Variants in BDP1 observed in about 807,000 individuals in gnomAD.
BDP1 encodes the protein transcription factor TFIIIB component B'' homolog.
A neutral mutation model predicts 266.6 loss-of-function variants in BDP1; 169 were observed. The observed-to-expected ratio is 0.63, with a 90% CI of 0.56 to 0.72. The LOEUF (loss-of-function observed/expected upper bound fraction) is 0.72. Ranked by LOEUF, BDP1 falls within the 30% of genes least tolerant of loss-of-function variation. BDP1 has a pLI of 0.00. For synonymous variants in BDP1, 1,090 were observed against 1,022.4 expected (o/e 1.07, Z -1.26); for missense variants, 3,015 against 3,053.8 (o/e 0.99, Z 0.30).
At chr5:71,469,286 A>G (rs997825248) in intron 6 of BDP1, among the ~76,000 whole-genome samples, 9 of 151,130 alleles carry the variant, frequency 6.0e-5, no homozygotes, top group Non-Finnish European at 4.4e-5. Flanking sequence ...TTACAGGCAT[A>G]TGTCACCATG....
intron 13 of BDP1, 106 bp from the exon 14 acceptor site, chr5:71,501,456 G>C (rs995684419): frequency 1.4e-6 from 1 of 725,522 alleles, no homozygotes; most frequent in African/African-American, 1.8e-5. Flanking sequence ...TTACAGGCTT[G>C]AGCCACCGTG....
chr5:71,563,155 T>G (rs1743800002), intron 38 of BDP1, among the ~76,000 whole-genome samples: 1 of 152,172 alleles, frequency 6.6e-6, no homozygotes, highest in African/African-American at 2.4e-5. Flanking sequence ...TTTTGTGTGT[T>G]TGTTTTGAGA....
At chr5:71,560,419 A>G (rs1342418081) in intron 37 of BDP1, among the ~76,000 whole-genome samples, 182 bp downstream of exon 37, 2 of 152,258 alleles carry the variant, frequency 1.3e-5, no homozygotes, top group Non-Finnish European at 2.9e-5. Flanking sequence ...CATTCTGTAC[A>G]ATAAGAGCTT....
chr5:71,506,804 C>CAG (rs1232029387), intron 16 of BDP1, among the ~76,000 whole-genome samples: 1 of 137,750 alleles, frequency 7.3e-6, no homozygotes, highest in Non-Finnish European at 1.6e-5. Flanking sequence ...CACACACACA[C>CAG]ACACACACAC....
intron 12 of BDP1, among the ~76,000 whole-genome samples, 198 bp downstream of exon 12, chr5:71,495,606 A>G (rs971654652): frequency 2.0e-5 from 3 of 152,174 alleles, no homozygotes; most frequent in African/African-American, 7.2e-5. Context: ...ATTTCTTTGC[A>G]GAAAGATTCT....
chr5:71,467,262 T>C (rs1248362682), intron 5 of BDP1, 92 bp from the exon 6 acceptor site: 1 of 1,100,924 alleles, frequency 9.1e-7, no homozygotes, highest in Non-Finnish European at 1.3e-6. Flanking sequence ...ATGATTGCCA[T>C]GCTAAACCTC....
chr5:71,509,584 A>AAG lies in BDP1; in HGVS notation c.2495_2496dup (p.Val833ArgfsTer3). ...GGAAGGAGAGAAATTTCCTCAAAGG[A>AAG]AGAGGTACTAGAGAAGATTCTTGTC... On this transcript the variant is annotated frameshift_variant, in exon 17 of 39. Transcript: ENST00000358731. LOFTEE classifies it high-confidence loss of function. The AAG allele has an allele frequency of 6.2e-7, 1 of 1,613,916 alleles. No individual in the cohort carries two copies. The highest frequency in any genetic ancestry group is 8.5e-7 in the Non-Finnish European group (1 of 1,179,982).
In BDP1 at chr5:71,510,413, G is replaced by A; in HGVS notation, c.3321G>A (p.Glu1107=). 1 of 1,614,020 alleles carries A rather than the reference G, an allele frequency of 6.2e-7. No individual in the cohort carries two copies. The highest frequency in any genetic ancestry group is 8.5e-7 in the Non-Finnish European group (1 of 1,179,986). Residue 1107 remains glutamate (E), a synonymous_variant, in exon 17 of 39, where the codon GAG becomes GAA. Transcript: ENST00000358731. ...CCCCACAGGAAAATGGCCTAGAGGA[G>A]GTTAAGCCTCTAGGTGAAATGCAAA... is the stretch of plus-strand genomic sequence containing the variant. ...EISPQENGLE[E]VKPLGEMQTD... is the part of the protein sequence containing the mutation.
intron 2 of BDP1, among the ~76,000 whole-genome samples, chr5:71,460,616 C>T (rs557376640): frequency 6.6e-6 from 1 of 151,992 alleles, no homozygotes; most frequent in East Asian, 1.9e-4. Flanking sequence ...AAAATGTAAG[C>T]CTCACAACAA....
intron 10 of BDP1, among the ~76,000 whole-genome samples, chr5:71,490,528 T>C (rs970871597): frequency 6.6e-6 from 1 of 152,130 alleles, no homozygotes; most frequent in African/African-American, 2.4e-5. Context: ...ACTCAGGGGG[T>C]TCTCTATGAG....
chr5:71,552,008 C>CT (rs1742819095), intron 34 of BDP1, among the ~76,000 whole-genome samples: 1 of 150,970 alleles, frequency 6.6e-6, no homozygotes, highest in East Asian at 2.0e-4. Flanking sequence ...GGCTGACCCC[C>CT]ACCTCCCTCC....
rs1221990675 is a variant in BDP1 at position 71,562,397 on chromosome 5, G to A, written c.7620G>A (p.Lys2540=). 6.2e-7 allele frequency: 1 copy of A among 1,613,822 alleles called. No individual in the cohort carries two copies. The highest frequency in any genetic ancestry group is 8.5e-7 in the Non-Finnish European group (1 of 1,179,922). ...AACCTCTTATACCTGGATTAAGAAA[G>A]AAATTGAAAAGATCTAATCCATTCA... ...RLKPLIPGLR[K]KLKRSNPFNE... is the part of the protein sequence containing the mutation. The change falls in exon 38 of 39, where the codon AAG becomes AAA. Residue 2540 remains lysine (K), a synonymous_variant. Transcript: ENST00000358731.
chr5:71,515,109 G>T lies in BDP1; in HGVS notation c.4636G>T (p.Val1546Phe), dbSNP rs34719355. Residue 1546 changes from valine to phenylalanine, a missense_variant, in exon 20 of 39, where the codon GTT becomes TTT. By Grantham distance (50) the Val-to-Phe change is conservative. This residue lies in a region of BDP1 where 2,383 missense variants were observed against 2,404.9 expected (regional missense o/e 0.99). Coordinates refer to ENST00000358731, the MANE Select transcript of BDP1 (RefSeq NM_018429.3). ...AGCACCAGTCCAGAAAAATGACTCA[G>T]TTGTTTCTGTGGGGTAAACAGTGAT... Reference protein sequence around the residue: ...QSAPVQKNDSVVSVGTNNVNT... With the variant: ...QSAPVQKNDSFVSVGTNNVNT... The T allele has an allele frequency of 1.0e-3, 1,658 of 1,595,112 alleles. 22 individuals carry two copies. In the African/African-American group the frequency reaches 0.02, roughly 19 times the overall value.
rs368055947 is a variant in BDP1 at position 71,524,000 on chromosome 5, A to G, written c.5449A>G (p.Ile1817Val). The change falls in exon 25 of 39, where the codon ATC becomes GTC. Residue 1817 changes from isoleucine (I) to valine (V), a missense_variant. Transcript: ENST00000358731. The part of the protein sequence containing the change: ...SKIALDGKTT[I>V]SSTSEYERNR... ...AATTGCCCTGGATGGGAAAACAACT[A>G]TCTCTTCTACATCTGAGTATGAGAG... The G allele has an allele frequency of 9.9e-6, 16 of 1,614,074 alleles. No homozygotes were observed. The highest frequency in any genetic ancestry group is 2.7e-5 in the African/African-American group (2 of 74,936).
chr5:71,484,739 G>A (rs997213184), intron 8 of BDP1, among the ~76,000 whole-genome samples: 1 of 151,890 alleles, frequency 6.6e-6, no homozygotes, highest in African/African-American at 2.4e-5. Flanking sequence ...GCTGTGGACA[G>A]GAATATATTT....
intron 12 of BDP1, among the ~76,000 whole-genome samples, chr5:71,495,893 A>G (rs1206097125): frequency 6.6e-6 from 1 of 152,132 alleles, no homozygotes; most frequent in Non-Finnish European, 1.5e-5. Flanking sequence ...TGAAAGTTTT[A>G]TACTTCCTTT....
intron 16 of BDP1, among the ~76,000 whole-genome samples, chr5:71,507,486 CTGAACTGTT>C (rs1475834870): frequency 1.3e-5 from 2 of 152,200 alleles, no homozygotes; most frequent in Non-Finnish European, 2.9e-5. Flanking sequence ...ATCTTACAAT[CTGAACTGTT>C]ATGGAAATAA....
intron 11 of BDP1, among the ~76,000 whole-genome samples, chr5:71,494,025 C>T (rs142396861): frequency 4.3e-4 from 66 of 152,258 alleles, no homozygotes; most frequent in African/African-American, 1.6e-3. Flanking sequence ...TCAGGTAAGA[C>T]ATTTCTATTA....
chr5:71,523,950 C>T lies in BDP1; in HGVS notation c.5399C>T (p.Pro1800Leu), dbSNP rs780875683. ...GATTAAATATCTAGCTGTCCACAAC[C>T]GTTAAACGAAACAAGTTACTCTAAA... The part of the protein sequence containing the change: ...YLNKLTSCPQ[P>L]LNETSYSKIA... Residue 1800 changes from proline to leucine, a missense_variant, in exon 25 of 39, where the codon CCG (proline) becomes CTG (leucine). Transcript: ENST00000358731. The T allele has an allele frequency of 1.6e-5, 25 of 1,612,710 alleles. No individual in the cohort carries two copies. Among genetic ancestry groups the T allele is most frequent in the East Asian group, 6.7e-5 (3 of 44,878 alleles).
Sources: gnomAD v4.1 joint callset for allele counts (sites outside exome capture counted in the v4.1 genomes callset) on GRCh38, gnomAD v4.1.1 for gene constraint, gnomAD v4.1.1 regional missense constraint, MANE v1.5 for transcripts, NCBI Gene and HGNC (gene_info 2026-07-23, HGNC 2026-07-21) for gene names.